Variants in PDGFD observed in about 807,000 individuals in gnomAD.
PDGFD encodes the protein platelet derived growth factor D.
PDGFD carries 30 observed loss-of-function variants against 44.7 expected under a neutral mutation model. The ratio of observed to expected loss-of-function variants is 0.67; its 90% CI spans 0.50 to 0.91. PDGFD has a LOEUF of 0.91. Ranked by LOEUF, PDGFD falls within the 40% of genes least tolerant of loss-of-function variation. The probability of loss-of-function intolerance (pLI) is 0.00; values close to 1 mark genes in which losing one functional copy is unlikely to be tolerated. For missense variants in PDGFD, 445 were observed against 457.8 expected, an observed-to-expected ratio of 0.97 and a Z score of 0.25; for synonymous variants, 173 against 168.4, an observed-to-expected ratio of 1.03 and a Z score of -0.21.
intron 1 of PDGFD, among the ~76,000 whole-genome samples, chr11:104,155,692 G>C (rs1261237822): frequency 6.6e-6 from 1 of 152,200 alleles, no homozygotes; most frequent in Admixed American, 6.5e-5. Flanking sequence ...TAGCTTTTAA[G>C]TGGATTTGTT....
intron 1 of PDGFD, among the ~76,000 whole-genome samples, chr11:104,031,368 C>T (rs74547698): frequency 0.013 from 1,941 of 152,074 alleles, 46 homozygotes; most frequent in African/African-American, 0.043. Flanking sequence ...GATATGCATG[C>T]GACCAAAAAA....
intron 3 of PDGFD, among the ~76,000 whole-genome samples, chr11:103,963,289 C>T (rs1212064526): frequency 1.3e-5 from 2 of 152,258 alleles, no homozygotes; most frequent in South Asian, 2.1e-4. Context: ...TTAACACCTC[C>T]TATCTCATTT....
intron 6 of PDGFD, among the ~76,000 whole-genome samples, chr11:103,924,077 A>G (rs1405903221): frequency 6.6e-6 from 1 of 152,176 alleles, no homozygotes; most frequent in African/African-American, 2.4e-5. Flanking sequence ...CCAGGCCTTC[A>G]GTGTTCTTCA....
chr11:104,155,952 T>A (rs535862511), intron 1 of PDGFD, among the ~76,000 whole-genome samples: 14 of 152,174 alleles, frequency 9.2e-5, no homozygotes, highest in Admixed American at 2.6e-4. Flanking sequence ...ATGCTACATT[T>A]CAAATCTTAA....
At chr11:104,083,939 A>G (rs2134431279) in intron 1 of PDGFD, among the ~76,000 whole-genome samples, 1 of 152,356 alleles carries the variant, frequency 6.6e-6, no homozygotes, top group South Asian at 2.1e-4. Flanking sequence ...GGTGCTAAAA[A>G]GTTTAAAATC....
intron 1 of PDGFD, among the ~76,000 whole-genome samples, chr11:104,059,379 G>A (rs1294761898): frequency 6.6e-6 from 1 of 151,992 alleles, no homozygotes; most frequent in Non-Finnish European, 1.5e-5. Flanking sequence ...AATTTCATTA[G>A]GACATGATTC....
intron 1 of PDGFD, among the ~76,000 whole-genome samples, chr11:104,059,163 C>CA (rs34771879): frequency 0.38 from 58,087 of 151,994 alleles, 11,346 homozygotes; most frequent in East Asian, 0.56. Flanking sequence ...TCCATCTAAA[C>CA]AAATTTCAAT....
In PDGFD at chr11:103,908,431, G is replaced by A. The variant is rs1238882883; in HGVS notation, c.*1263C>T. On this transcript the variant is annotated 3_prime_UTR_variant, in exon 7 of 7. Coordinates refer to ENST00000393158, the MANE Select transcript of PDGFD (RefSeq NM_025208.5). ...CTGGCTTCTTAAAGCAAGCTCCATAGATTAAGAACCATAGCCTCTAGGACT... is the reference window on the plus strand; with the variant it reads ...CTGGCTTCTTAAAGCAAGCTCCATAAATTAAGAACCATAGCCTCTAGGACT... The A allele has an allele frequency of 6.6e-6, 1 of 152,310 alleles. No individual in the cohort carries two copies. Among genetic ancestry groups the A allele is most frequent in the Middle Eastern group, 3.4e-3 (1 of 294 alleles). 9.4% of individuals were successfully genotyped at this position (152,310 alleles called of 1,614,324 possible).
intron 3 of PDGFD, among the ~76,000 whole-genome samples, chr11:103,992,436 T>C (rs764568169): frequency 2.0e-5 from 3 of 152,242 alleles, no homozygotes; most frequent in Non-Finnish European, 4.4e-5. Flanking sequence ...ATCCTATGCA[T>C]TGTGCTAAGT....
At chr11:103,950,996 A>C (rs1858748183) in intron 3 of PDGFD, among the ~76,000 whole-genome samples, 2 of 152,194 alleles carry the variant, frequency 1.3e-5, no homozygotes, top group Non-Finnish European at 2.9e-5. Flanking sequence ...CAAGCCCCTA[A>C]ACAAATGTTA....
chr11:104,102,518 G>C (rs900146860), intron 1 of PDGFD, among the ~76,000 whole-genome samples: 1 of 152,162 alleles, frequency 6.6e-6, no homozygotes, highest in South Asian at 2.1e-4. Context: ...AAGTCAGTTT[G>C]GCCATTCCTC....
At chr11:104,081,231 T>C (rs1861041317) in intron 1 of PDGFD, among the ~76,000 whole-genome samples, 1 of 152,244 alleles carries the variant, frequency 6.6e-6, no homozygotes, top group Admixed American at 6.5e-5. Flanking sequence ...ATGAAGGGGA[T>C]ACTGATACAG....
At chr11:103,959,225 T>C (rs1858900442) in intron 3 of PDGFD, among the ~76,000 whole-genome samples, 1 of 152,216 alleles carries the variant, frequency 6.6e-6, no homozygotes, top group African/African-American at 2.4e-5. Context: ...ACTGGACCAG[T>C]GTTCATTCAT....
chr11:104,079,427 G>T (rs1482114472), intron 1 of PDGFD, among the ~76,000 whole-genome samples: 1 of 151,980 alleles, frequency 6.6e-6, no homozygotes, highest in Admixed American at 6.6e-5. Context: ...TCACACTGTT[G>T]CCTGGACTGG....
In PDGFD at chr11:104,163,855, G is replaced by C; in HGVS notation, c.73C>G (p.Pro25Ala). 1 of 1,578,538 alleles carries C rather than the reference G, an allele frequency of 6.3e-7. No individual in the cohort carries two copies. The highest frequency in any genetic ancestry group is 8.7e-7 in the Non-Finnish European group (1 of 1,153,940). The stretch of plus-strand genomic sequence containing the variant: ...AAAGCTTTGATGGATGCGCTCTGCG[G>C]GGTTGCAGAAGTGTCCCGACAGCTG... ...FCSCRDTSAT[P>A]QSASIKALRN... The change falls in exon 1 of 7, where the codon CCG becomes GCG. Residue 25 changes from proline (P) to alanine (A), a missense_variant. By Grantham distance (27) the Pro-to-Ala change is conservative (BLOSUM62 -1). Transcript: ENST00000393158.
chr11:104,071,816 G>A (rs1056148330), intron 1 of PDGFD, among the ~76,000 whole-genome samples: 9 of 150,836 alleles, frequency 6.0e-5, no homozygotes, highest in African/African-American at 2.2e-4. Context: ...TACTTTGTCC[G>A]GTGGTTTCAA....
At chr11:103,950,044 G>C (rs924802013) in intron 3 of PDGFD, among the ~76,000 whole-genome samples, 1 of 152,146 alleles carries the variant, frequency 6.6e-6, no homozygotes, top group Admixed American at 6.5e-5. Context: ...ATGTTCGGGG[G>C]GAAGTTTGCT....
intron 1 of PDGFD, among the ~76,000 whole-genome samples, chr11:104,143,302 A>C (rs1214888590): frequency 6.6e-6 from 1 of 152,186 alleles, no homozygotes; most frequent in Non-Finnish European, 1.5e-5. Flanking sequence ...AAGATTTATA[A>C]TAAAACTGCT....
intron 3 of PDGFD, among the ~76,000 whole-genome samples, chr11:103,949,524 T>G (rs965835617): frequency 6.6e-6 from 1 of 152,206 alleles, no homozygotes; most frequent in African/African-American, 2.4e-5. Flanking sequence ...CATTCCTTGA[T>G]GAGACTATTG....
Sources: allele counts gnomAD v4.1 joint callset (sites outside exome capture counted in the v4.1 genomes callset), GRCh38; gene constraint gnomAD v4.1.1; transcripts MANE v1.5; gene names NCBI Gene and HGNC (gene_info 2026-07-23, HGNC 2026-07-21).